DYNC2H1: variants seen among roughly 807,000 people sequenced by gnomAD.
DYNC2H1 encodes cytoplasmic dynein 2 heavy chain 1.
Under a neutral mutation model 570.0 loss-of-function variants are expected in DYNC2H1, and 410 were observed. The ratio of observed to expected loss-of-function variants is 0.72; its 90% CI spans 0.66 to 0.78. The LOEUF is 0.78. Ranked by LOEUF, DYNC2H1 falls within the 30% of genes least tolerant of loss-of-function variation. The pLI is 0.00. For missense variants in DYNC2H1, 4,865 were observed against 5,046.4 expected (o/e 0.96, Z 1.09); for synonymous variants, 1,688 against 1,677.6 (o/e 1.01, Z -0.15).
At position 103,245,226 on chromosome 11, in the gene DYNC2H1, T is replaced by C. The variant is rs1229302153; in HGVS notation, c.9919-25T>C. On this transcript the variant is annotated intron_variant, in intron 64 of 88. Coordinates refer to ENST00000375735, the MANE Select transcript of DYNC2H1 (RefSeq NM_001377.3). This position sits in a 1 kb window ranked among gnomAD's most constrained non-coding sequence, Gnocchi z 4.5. ...AATATTAAAGTAATTAAATAATTAA[T>C]ACGTATTCTTTTTTATTCAATTAGG... 1.4e-6 allele frequency: 2 copies of C among 1,456,828 alleles called. No homozygotes were observed. The highest frequency in any genetic ancestry group is 1.9e-6 in the Non-Finnish European group (2 of 1,080,436). 90.2% of individuals were successfully genotyped at this position (1,456,828 alleles called of 1,614,324 possible).
At chr11:103,382,626 A>G (rs1941700902) in intron 83 of DYNC2H1, among the ~76,000 whole-genome samples, 1 of 152,158 alleles carries the variant, frequency 6.6e-6, no homozygotes, top group South Asian at 2.1e-4. Flanking sequence ...CCTTGGTTGG[A>G]TGAAAGCATT....
chr11:103,389,301 A>G (rs1413753063), intron 83 of DYNC2H1, among the ~76,000 whole-genome samples: 2 of 152,176 alleles, frequency 1.3e-5, no homozygotes, highest in Non-Finnish European at 2.9e-5. Context: ...AGGTGTTTAT[A>G]GTATTCTCTG....
chr11:103,313,616 C>T (rs1253270497), intron 79 of DYNC2H1, among the ~76,000 whole-genome samples: 1 of 152,120 alleles, frequency 6.6e-6, no homozygotes, highest in Non-Finnish European at 1.5e-5. Flanking sequence ...TTGAGAGTTT[C>T]CTTGCAGTGA....
intron 85 of DYNC2H1, among the ~76,000 whole-genome samples, chr11:103,445,469 A>G (rs543591417): frequency 2.0e-4 from 30 of 152,248 alleles, no homozygotes; most frequent in African/African-American, 7.0e-4. Context: ...CTTCGGAAAA[A>G]AAGAGGTTAT....
intron 82 of DYNC2H1, among the ~76,000 whole-genome samples, chr11:103,352,942 G>GTACGCCA (rs1157091311): frequency 6.6e-6 from 1 of 152,130 alleles, no homozygotes. Context: ...TGTTGTACAT[G>GTACGCCA]TACACCATGG....
At chr11:103,174,673 G>C (rs150147101) in intron 36 of DYNC2H1, among the ~76,000 whole-genome samples, 1,866 of 152,226 alleles carry the variant, frequency 0.012, 19 homozygotes, top group Middle Eastern at 0.031. Flanking sequence ...ATTATGATTA[G>C]ACTAGGTTAT....
At chr11:103,191,642 T>TTGTGTGTGTGTGTG (rs146014868) in intron 46 of DYNC2H1, 23 bp downstream of exon 46, 2 of 1,368,392 alleles carry the variant, frequency 1.5e-6, no homozygotes, top group Non-Finnish European at 1.0e-6. Context: ...AGTGTGTATC[T>TTGTGTGTGTGTGTG]TGTGTGTGTG....
Position 103,153,528 on chromosome 11 carries a change from T to G in DYNC2H1, c.3302+20T>G, listed in dbSNP as rs762731739. 1.3e-6 allele frequency: 2 copies of G among 1,531,152 alleles called. No individual in the cohort carries two copies. Among genetic ancestry groups the G allele is most frequent in the African/African-American group, 2.8e-5 (2 of 71,818 alleles). The allele number at this position is 1,531,152 out of a possible 1,614,324, so 94.8% of individuals were successfully genotyped here. On this transcript the variant is annotated intron_variant, in intron 22 of 88. Transcript: ENST00000375735. Reference sequence around the variant, plus strand: ...GCTGGTGTATGTTTTTTCTTTAAAATTGATAGTGCTTATTTTGAAAAAACA... The same window carrying G: ...GCTGGTGTATGTTTTTTCTTTAAAAGTGATAGTGCTTATTTTGAAAAAACA...
At chr11:103,213,677 T>TTTG (rs1233945106) in intron 54 of DYNC2H1, among the ~76,000 whole-genome samples, 4 of 152,102 alleles carry the variant, frequency 2.6e-5, no homozygotes, top group Admixed American at 6.5e-5. Context: ...AATGGAATTC[T>TTTG]TTGTTGTTGT....
intron 82 of DYNC2H1, among the ~76,000 whole-genome samples, chr11:103,327,195 G>A (rs72975680): frequency 0.052 from 7,888 of 151,902 alleles, 259 homozygotes; most frequent in Non-Finnish European, 0.076. Flanking sequence ...TCTTCCCCAA[G>A]ATCTGCCCAA....
In DYNC2H1 at chr11:103,289,541, G is replaced by C. The variant is rs1473394741; in HGVS notation, c.11095+1936G>C. Among the ~76,000 whole-genome samples, 1 of 152,076 alleles carries C rather than the reference G, an allele frequency of 6.6e-6. No individual in the cohort carries two copies. The highest frequency in any genetic ancestry group is 1.5e-5 in the Non-Finnish European group (1 of 68,006). On this transcript the variant is annotated intron_variant, in intron 75 of 88. Transcript: ENST00000375735. The surrounding 1 kb of genome is among the most constrained non-coding windows in gnomAD (Gnocchi z 4.2). ...ATTTGGAGGCTGACGGGGGAGGATT[G>C]CTTGAGCCCAGTAGTTTGAGACCAG...
At position 103,188,469 on chromosome 11, in the gene DYNC2H1, C is replaced by G. The variant is rs759770914; in HGVS notation, c.7141-28C>G. On this transcript the variant is annotated intron_variant, in intron 43 of 88. Transcript: ENST00000375735. Reference sequence around the variant, plus strand: ...TGATTAGGAAATCTTAGATAAAAAACGTTTAAAATATATTTATTTTCAAAT... The same window carrying G: ...TGATTAGGAAATCTTAGATAAAAAAGGTTTAAAATATATTTATTTTCAAAT... 8 of 1,469,518 alleles carry G rather than the reference C, an allele frequency of 5.4e-6. No homozygotes were observed. In the Admixed American group the frequency reaches 1.5e-4, roughly 28 times the overall value. The allele number at this position is 1,469,518 out of a possible 1,614,324, so 91.0% of individuals were successfully genotyped here. A position where few individuals can be genotyped will look rare whatever the true frequency, so the allele number is the denominator to read the frequency against.
Position 103,170,749 on chromosome 11 carries a change from A to C in DYNC2H1, c.5152-137A>C, listed in dbSNP as rs2134966026. 1 of 814,968 alleles carries C rather than the reference A, an allele frequency of 1.2e-6. No individual in the cohort carries two copies. Among genetic ancestry groups the C allele is most frequent in the Admixed American group, 3.9e-5 (1 of 25,618 alleles). 50.5% of individuals were successfully genotyped at this position (814,968 alleles called of 1,614,324 possible). On this transcript the variant is annotated intron_variant, in intron 33 of 88. Transcript: ENST00000375735. This position sits in a 1 kb window ranked among gnomAD's most constrained non-coding sequence, Gnocchi z 4.8. ...TGGGTTTTGAAAGAGTAGCTACTTA[A>C]TCCGTATTTTAAAATGAGCAAAAGA...
At chr11:103,213,597 T>A (rs1863245781) in intron 54 of DYNC2H1, among the ~76,000 whole-genome samples, 1 of 149,736 alleles carries the variant, frequency 6.7e-6, no homozygotes, top group Admixed American at 6.7e-5. Flanking sequence ...GAACATTTTT[T>A]CATATACCGT....
chr11:103,297,302 C>T (rs903168066), intron 75 of DYNC2H1, among the ~76,000 whole-genome samples: 2 of 152,024 alleles, frequency 1.3e-5, no homozygotes, highest in Non-Finnish European at 2.9e-5. Flanking sequence ...TGTTGTTAAA[C>T]AGTTAACAGT....
chr11:103,432,844 C>T (rs1301507684), intron 84 of DYNC2H1, among the ~76,000 whole-genome samples: 2 of 152,124 alleles, frequency 1.3e-5, no homozygotes, highest in Non-Finnish European at 2.9e-5. Context: ...GTATCAAGCA[C>T]TCACCATAGT....
rs1480010028 is a variant in DYNC2H1 at position 103,203,244 on chromosome 11, A to G, written c.8198-419A>G. On this transcript the variant is annotated intron_variant, in intron 50 of 88. Coordinates refer to ENST00000375735, the MANE Select transcript of DYNC2H1 (RefSeq NM_001377.3). This position sits in a 1 kb window ranked among gnomAD's most constrained non-coding sequence, Gnocchi z 4.7. Reference sequence around the variant, plus strand: ...TTTAATCAGCATATGGGCAGTCAAGAAAGGCTTATGGGCATAGCAGTTAGG... The same window carrying G: ...TTTAATCAGCATATGGGCAGTCAAGGAAGGCTTATGGGCATAGCAGTTAGG... Among the ~76,000 whole-genome samples the G allele has an allele frequency of 1.3e-5, 2 of 152,110 alleles. No individual in the cohort carries two copies. The highest frequency in any genetic ancestry group is 2.9e-5 in the Non-Finnish European group (2 of 68,000).
At chr11:103,462,999 AAT>A (rs1945070929) in intron 87 of DYNC2H1, among the ~76,000 whole-genome samples, 1 of 152,188 alleles carries the variant, frequency 6.6e-6, no homozygotes, top group African/African-American at 2.4e-5. Flanking sequence ...AGATCAGTAT[AAT>A]ATTTTATGGT....
rs1052350992 is a variant in DYNC2H1 at position 103,185,121 on chromosome 11, C to T, written c.6633+70C>T. On this transcript the variant is annotated intron_variant, in intron 41 of 88. Transcript: ENST00000375735. This position sits in a 1 kb window ranked among gnomAD's most constrained non-coding sequence, Gnocchi z 4.5. ...TCATTAACTCTTAACTGCCAAAACA[C>T]AATGATTTGTAACTGTAAGATATGG... 5 of 1,411,060 alleles carry T rather than the reference C, an allele frequency of 3.5e-6. No individual in the cohort carries two copies. The highest frequency in any genetic ancestry group is 4.8e-6 in the Non-Finnish European group (5 of 1,037,596). 87.4% of individuals were successfully genotyped at this position (1,411,060 alleles called of 1,614,324 possible). A position where few individuals can be genotyped will look rare whatever the true frequency, so the allele number is the denominator to read the frequency against.
Sources: allele counts gnomAD v4.1 joint callset (sites outside exome capture counted in the v4.1 genomes callset), GRCh38; gene constraint gnomAD v4.1.1; non-coding constraint Gnocchi (gnomAD v3.1); transcripts MANE v1.5; gene names NCBI Gene and HGNC (gene_info 2026-07-23, HGNC 2026-07-21).